Variants in AOPEP observed in about 807,000 individuals in gnomAD.
AOPEP encodes the protein aminopeptidase O.
AOPEP carries 77 observed loss-of-function variants against 98.1 expected under a neutral mutation model. The observed-to-expected ratio is 0.78, with a 90% CI of 0.65 to 0.95. AOPEP has a LOEUF of 0.95. Ranked by LOEUF, AOPEP falls within the 40% of genes least tolerant of loss-of-function variation. The pLI, the probability that AOPEP is intolerant of heterozygous loss-of-function variation, is 0.00. For synonymous variants in AOPEP, 346 were observed against 365.3 expected, an observed-to-expected ratio of 0.95 and a Z score of 0.60; for missense variants, 1,024 against 1,024.7, an observed-to-expected ratio of 1.00 and a Z score of 0.01.
intron 1 of AOPEP, among the ~76,000 whole-genome samples, chr9:94,734,723 T>G (rs1181829255): frequency 1.3e-5 from 2 of 152,222 alleles, no homozygotes. Context: ...TAGTCTGTGT[T>G]TGAACCACTG....
At chr9:94,784,003 C>T (rs2133230513) in intron 3 of AOPEP, among the ~76,000 whole-genome samples, 1 of 152,300 alleles carries the variant, frequency 6.6e-6, no homozygotes, top group African/African-American at 2.4e-5. Context: ...CCGAATGCTT[C>T]ATGCTGTTTG....
At chr9:95,075,044 C>T (rs2068902257) in intron 14 of AOPEP, among the ~76,000 whole-genome samples, 1 of 152,184 alleles carries the variant, frequency 6.6e-6, no homozygotes, top group Non-Finnish European at 1.5e-5. Context: ...TTCCCTTCTG[C>T]CGTCTTGTTC....
intron 1 of AOPEP, among the ~76,000 whole-genome samples, chr9:94,736,114 C>G (rs1450035571): frequency 1.3e-5 from 2 of 152,130 alleles, no homozygotes; most frequent in Non-Finnish European, 2.9e-5. Context: ...TTTTTTAAAA[C>G]AATATTAACT....
intron 9 of AOPEP, among the ~76,000 whole-genome samples, chr9:94,962,570 G>C (rs12238576): frequency 0.079 from 12,016 of 152,108 alleles, 1,203 homozygotes; most frequent in African/African-American, 0.23. Context: ...TTACTTTAAT[G>C]GTTTGTGTTT....
chr9:94,876,270 C>T (rs551708910), intron 5 of AOPEP, among the ~76,000 whole-genome samples: 2 of 152,106 alleles, frequency 1.3e-5, no homozygotes, highest in Non-Finnish European at 2.9e-5. Flanking sequence ...GATGACAAAA[C>T]CTTGGAAAAC....
the AOPEP span, chr9:95,150,064 G>A: frequency 1.2e-6 from 2 of 1,614,114 alleles, no homozygotes; most frequent in Admixed American, 1.7e-5. Flanking sequence ...TCGTGACAGG[G>A]ACGCCACTCG....
chr9:95,133,405 T>C, the AOPEP span, among the ~76,000 whole-genome samples: 1 of 152,266 alleles, frequency 6.6e-6, no homozygotes, highest in Non-Finnish European at 1.5e-5. Flanking sequence ...TCTGAATTTC[T>C]GCACACATGA....
intron 11 of AOPEP, among the ~76,000 whole-genome samples, chr9:94,991,463 T>A (rs371124883): frequency 1.3e-5 from 2 of 152,244 alleles, no homozygotes; most frequent in East Asian, 3.8e-4. Context: ...AAGTGTAGTA[T>A]CTGCCCAAGC....
At chr9:95,128,108 C>T in the AOPEP span, among the ~76,000 whole-genome samples, 1 of 152,276 alleles carries the variant, frequency 6.6e-6, no homozygotes, top group Admixed American at 6.5e-5. Flanking sequence ...TGGCTTCGAA[C>T]TTAGGCATGT....
intron 5 of AOPEP, among the ~76,000 whole-genome samples, chr9:94,916,376 A>G (rs2052797087): frequency 6.6e-6 from 1 of 152,150 alleles, no homozygotes; most frequent in African/African-American, 2.4e-5. Context: ...TCCTGCAGAA[A>G]ATACACAGCT....
At chr9:94,816,884 C>G (rs944478623) in intron 5 of AOPEP, among the ~76,000 whole-genome samples, 2 of 152,170 alleles carry the variant, frequency 1.3e-5, no homozygotes, top group Admixed American at 6.5e-5. Flanking sequence ...CTAACAGGGC[C>G]ACGAAGGCCT....
chr9:94,786,073 T>C (rs1844362010), intron 3 of AOPEP, among the ~76,000 whole-genome samples: 1 of 152,208 alleles, frequency 6.6e-6, no homozygotes, highest in African/African-American at 2.4e-5. Context: ...TTCAGAAAAT[T>C]AGCCTGAGTG....
chr9:95,042,343 C>A (rs145017242), intron 13 of AOPEP, among the ~76,000 whole-genome samples: 31 of 149,692 alleles, frequency 2.1e-4, no homozygotes, highest in African/African-American at 7.5e-4. Flanking sequence ...TAAATAAATA[C>A]ATAAATACAT....
intron 15 of AOPEP, among the ~76,000 whole-genome samples, chr9:95,082,024 T>A (rs1334993235): frequency 6.6e-6 from 1 of 152,036 alleles, no homozygotes; most frequent in African/African-American, 2.4e-5. Flanking sequence ...CGGTGCGGGC[T>A]ACGGTGCAGG....
chr9:95,072,828 A>G (rs1042188133), intron 14 of AOPEP, among the ~76,000 whole-genome samples: 11 of 152,208 alleles, frequency 7.2e-5, no homozygotes, highest in Non-Finnish European at 1.3e-4. Context: ...TGTGGTTTCT[A>G]AATGGCCCTT....
chr9:94,848,578 C>T (rs534182967), intron 5 of AOPEP, among the ~76,000 whole-genome samples: 34 of 151,626 alleles, frequency 2.2e-4, no homozygotes, highest in African/African-American at 7.5e-4. Context: ...GCCAAGATCA[C>T]GCCACTGCAC....
intron 1 of AOPEP, among the ~76,000 whole-genome samples, chr9:94,731,341 C>T (rs1830484899): frequency 6.6e-6 from 1 of 152,042 alleles, no homozygotes; most frequent in Non-Finnish European, 1.5e-5. Context: ...CATTCACCTG[C>T]CTCAGCCTCC....
At chr9:94,800,060 G>A (rs1316780614) in intron 4 of AOPEP, among the ~76,000 whole-genome samples, 1 of 152,146 alleles carries the variant, frequency 6.6e-6, no homozygotes, top group Non-Finnish European at 1.5e-5. Flanking sequence ...GCAGTGGTCG[G>A]ATGAAGCAGG....
At chr9:94,745,954 C>T (rs1191983011) in intron 1 of AOPEP, among the ~76,000 whole-genome samples, 1 of 152,184 alleles carries the variant, frequency 6.6e-6, no homozygotes, top group East Asian at 1.9e-4. Context: ...TACTGTACTT[C>T]ATAGTGGTTG....
Sources: allele counts gnomAD v4.1 joint callset (sites outside exome capture counted in the v4.1 genomes callset), GRCh38; gene constraint gnomAD v4.1.1; transcripts MANE v1.5; gene names NCBI Gene and HGNC (gene_info 2026-07-23, HGNC 2026-07-21).